STK32B: variants seen among roughly 807,000 people sequenced by gnomAD.
STK32B encodes the protein serine/threonine kinase 32B, also known as serine/threonine-protein kinase 32B.
STK32B carries 43 observed loss-of-function variants against 52.6 expected under a neutral mutation model. That is an observed-to-expected ratio of 0.82 (90% CI 0.64 to 1.05). STK32B has a LOEUF of 1.05. Among genes scored for constraint, STK32B ranks in the 50% least tolerant of loss-of-function variants. The pLI is 0.00. For synonymous variants in STK32B, 238 were observed against 204.3 expected (o/e 1.17, Z -1.41); for missense variants, 621 against 534.6 (o/e 1.16, Z -1.59).
At chr4:5,089,833 G>A (rs75660159) in intron 1 of STK32B, among the ~76,000 whole-genome samples, 4 of 152,218 alleles carry the variant, frequency 2.6e-5, no homozygotes, top group East Asian at 1.9e-4. Flanking sequence ...GTGTAAAAGC[G>A]TTCGTATTTC....
chr4:5,244,796 C>G (rs1201876722), intron 3 of STK32B, among the ~76,000 whole-genome samples: 1 of 152,154 alleles, frequency 6.6e-6, no homozygotes, highest in Non-Finnish European at 1.5e-5. Context: ...TCACTGGTTT[C>G]AAAGAACATC....
intron 3 of STK32B, among the ~76,000 whole-genome samples, chr4:5,176,142 C>T (rs372674180): frequency 9.8e-5 from 15 of 152,324 alleles, no homozygotes; most frequent in African/African-American, 3.4e-4. Context: ...TTGTTGCGCC[C>T]ATTGGAAAAG....
At chr4:5,089,574 T>C (rs1712936196) in intron 1 of STK32B, among the ~76,000 whole-genome samples, 1 of 152,228 alleles carries the variant, frequency 6.6e-6, no homozygotes, top group Non-Finnish European at 1.5e-5. Flanking sequence ...ATTTTCTTTA[T>C]CCAGTCTATC....
At chr4:5,370,840 G>A (rs904012834) in intron 4 of STK32B, among the ~76,000 whole-genome samples, 29 of 151,952 alleles carry the variant, frequency 1.9e-4, no homozygotes, top group African/African-American at 7.0e-4. Flanking sequence ...AGATGTGGTG[G>A]TGCATGCCTG....
intron 2 of STK32B, among the ~76,000 whole-genome samples, chr4:5,153,328 G>A (rs780005007): frequency 6.6e-6 from 1 of 152,166 alleles, no homozygotes; most frequent in Non-Finnish European, 1.5e-5. Flanking sequence ...TGTGGCTCCT[G>A]CAACCCTCCC....
chr4:5,436,645 G>C, intron 6 of STK32B: 1 of 985,438 alleles, frequency 1.0e-6, no homozygotes, highest in Non-Finnish European at 1.2e-6. Flanking sequence ...TGTGAGCAAA[G>C]CTGAGGAAGG....
At chr4:5,458,411 AG>A (rs1287363783) in intron 8 of STK32B, among the ~76,000 whole-genome samples, 1 of 152,158 alleles carries the variant, frequency 6.6e-6, no homozygotes, top group East Asian at 1.9e-4. Context: ...ACTCCTCCCA[AG>A]CCCTGTGAGC....
At chr4:5,096,492 T>G (rs1713399768) in intron 1 of STK32B, among the ~76,000 whole-genome samples, 1 of 140,984 alleles carries the variant, frequency 7.1e-6, no homozygotes, top group Non-Finnish European at 1.6e-5. Flanking sequence ...AAGCAAACAT[T>G]CCAACGGTCA....
At chr4:5,178,757 C>T (rs991469276) in intron 3 of STK32B, among the ~76,000 whole-genome samples, 2 of 152,162 alleles carry the variant, frequency 1.3e-5, no homozygotes, top group South Asian at 2.1e-4. Flanking sequence ...ACCTTTAATC[C>T]AGTTCCCAAC....
At chr4:5,438,150 T>C in intron 6 of STK32B, 1 of 984,824 alleles carries the variant, frequency 1.0e-6, no homozygotes, top group Non-Finnish European at 1.2e-6. Context: ...TATTGGAGCT[T>C]GTGGGCTGGC....
intron 1 of STK32B, among the ~76,000 whole-genome samples, chr4:5,110,875 T>C (rs999054845): frequency 2.6e-5 from 4 of 151,782 alleles, no homozygotes; most frequent in South Asian, 2.1e-4. Context: ...CAACAAAGGA[T>C]TAATATCCAG....
At chr4:5,457,626 G>A (rs1452480678) in intron 8 of STK32B, among the ~76,000 whole-genome samples, 7 of 151,410 alleles carry the variant, frequency 4.6e-5, no homozygotes, top group African/African-American at 1.7e-4. Flanking sequence ...CCAGCACTTT[G>A]GGAGGCTGAG....
intron 6 of STK32B, among the ~76,000 whole-genome samples, chr4:5,419,273 A>C (rs912596084): frequency 6.6e-6 from 1 of 152,218 alleles, no homozygotes; most frequent in Non-Finnish European, 1.5e-5. Context: ...GCAGCTTGCT[A>C]TCCAGGTTTC....
rs531403637 is a variant in STK32B, at chr4:5,434,127, C to T, written c.563-12546C>T. Among the ~76,000 whole-genome samples the T allele has an allele frequency of 3.3e-5, 5 of 152,220 alleles. No individual in the cohort carries two copies. The South Asian group carries it at 1.0e-3, about 32-fold the overall frequency. On this transcript the variant is annotated intron_variant, in intron 6 of 11. Transcript: ENST00000282908. ...GAGTTCCCTGGTGCCCAGTGTCCGCCCAGTGTATTTTGGACTCACAAGAAT... is the reference window on the plus strand; with the variant it reads ...GAGTTCCCTGGTGCCCAGTGTCCGCTCAGTGTATTTTGGACTCACAAGAAT...
intron 6 of STK32B, among the ~76,000 whole-genome samples, chr4:5,444,126 C>T (rs888650032): frequency 2.0e-5 from 3 of 152,258 alleles, no homozygotes; most frequent in South Asian, 4.1e-4. Context: ...TGGTGGGCTC[C>T]GCCCAGTTGG....
upstream of STK32B, among the ~76,000 whole-genome samples, chr4:5,048,372 C>T (rs1741657843): frequency 6.7e-6 from 1 of 148,928 alleles, no homozygotes; most frequent in Non-Finnish European, 1.5e-5. Flanking sequence ...GCGATCTTGG[C>T]TCACTGCAAC....
At position 5,400,910 on chromosome 4, in the gene STK32B, G is replaced by A. The variant is rs923893895; in HGVS notation, c.472+2666G>A. Among the ~76,000 whole-genome samples, 3 of 151,982 alleles carry A rather than the reference G, an allele frequency of 2.0e-5. No individual in the cohort carries two copies. Among genetic ancestry groups the A allele is most frequent in the East Asian group, 3.9e-4 (2 of 5,174 alleles). On this transcript the variant is annotated intron_variant, in intron 5 of 11. Transcript: ENST00000282908. The surrounding 1 kb of genome is among the most constrained non-coding windows in gnomAD (Gnocchi z 6.1). ...AACGCTGATGGGTTTCATGGTGTTG[G>A]GGAGAGTGTGGGGAAGCTCAGGAGA...
intron 2 of STK32B, among the ~76,000 whole-genome samples, chr4:5,141,677 T>C (rs1716465153): frequency 6.6e-6 from 1 of 152,100 alleles, no homozygotes; most frequent in African/African-American, 2.4e-5. Context: ...ATGGCAGTGC[T>C]GGGGGTGGTG....
chr4:5,155,200 C>T (rs1597018), intron 2 of STK32B, among the ~76,000 whole-genome samples: 57,081 of 152,052 alleles, frequency 0.38, 12,125 homozygotes, highest in Non-Finnish European at 0.48. Context: ...CACTCTGTGG[C>T]GCCTTCCCAG....
Sources: gnomAD v4.1 joint callset for allele counts (sites outside exome capture counted in the v4.1 genomes callset) on GRCh38, gnomAD v4.1.1 for gene constraint, Gnocchi (gnomAD v3.1) non-coding constraint, MANE v1.5 for transcripts, NCBI Gene and HGNC (gene_info 2026-07-23, HGNC 2026-07-21) for gene names.